CRTAC1: variants seen among roughly 807,000 people sequenced by gnomAD.
CRTAC1 encodes the protein cartilage acidic protein 1.
Under a neutral mutation model 67.8 loss-of-function variants are expected in CRTAC1, and 37 were observed. The observed-to-expected ratio is 0.55, with a 90% CI of 0.42 to 0.72. The LOEUF (loss-of-function observed/expected upper bound fraction) is 0.72. Among genes scored for constraint, CRTAC1 ranks in the 30% least tolerant of loss-of-function variants. CRTAC1 has a pLI of 0.00. For missense variants in CRTAC1, 780 were observed against 931.6 expected, an observed-to-expected ratio of 0.84 and a Z score of 2.12; for synonymous variants, 348 against 371.0, an observed-to-expected ratio of 0.94 and a Z score of 0.71.
At chr10:97,954,431 G>C (rs186559386) in intron 2 of CRTAC1, among the ~76,000 whole-genome samples, 73 of 152,286 alleles carry the variant, frequency 4.8e-4, no homozygotes, top group African/African-American at 1.7e-3. Flanking sequence ...GATTGCTAGA[G>C]CTGGGGTTCA....
chr10:97,973,639 C>G (rs1484024964), intron 2 of CRTAC1, among the ~76,000 whole-genome samples: 1 of 152,154 alleles, frequency 6.6e-6, no homozygotes, highest in African/African-American at 2.4e-5. Flanking sequence ...CGCTTCCCAG[C>G]CCTTATGTTC....
At chr10:97,924,485 G>GCC (rs2050885447) in intron 3 of CRTAC1, among the ~76,000 whole-genome samples, 4 of 152,144 alleles carry the variant, frequency 2.6e-5, no homozygotes, top group Admixed American at 1.3e-4. Context: ...AGACAGCATG[G>GCC]CACAGGGGCC....
At chr10:98,023,517 A>G (rs1843163798) in intron 1 of CRTAC1, among the ~76,000 whole-genome samples, 1 of 152,144 alleles carries the variant, frequency 6.6e-6, no homozygotes, top group Non-Finnish European at 1.5e-5. Context: ...ACAAGGCAGC[A>G]TTTCTCCTTG....
chr10:97,924,258 G>A lies in CRTAC1; in HGVS notation c.422-858C>T, dbSNP rs538819959. ...CTTGAAAGGCAGAGGTCTCTCCTCC[G>A]CCATCATCCTTAGTTAATTTCTTGT... On this transcript the variant is annotated intron_variant, in intron 3 of 14. Transcript: ENST00000370597. Among the ~76,000 whole-genome samples, 5 of 152,296 alleles carry A rather than the reference G, an allele frequency of 3.3e-5. No individual in the cohort carries two copies. The South Asian group carries it at 1.0e-3, about 32-fold the overall frequency.
At chr10:97,972,556 A>C (rs2051732605) in intron 2 of CRTAC1, among the ~76,000 whole-genome samples, 2 of 152,278 alleles carry the variant, frequency 1.3e-5, no homozygotes, top group South Asian at 4.1e-4. Flanking sequence ...TAAAGTCATC[A>C]GAATCTACTA....
At chr10:97,948,251 G>C (rs1333765492) in intron 2 of CRTAC1, among the ~76,000 whole-genome samples, 1 of 152,214 alleles carries the variant, frequency 6.6e-6, no homozygotes, top group Admixed American at 6.5e-5. Context: ...GTAGCCAACA[G>C]TGTCAGATGC....
chr10:97,910,165 C>T (rs1336267611), intron 5 of CRTAC1, among the ~76,000 whole-genome samples: 2 of 152,190 alleles, frequency 1.3e-5, no homozygotes, highest in Non-Finnish European at 2.9e-5. Flanking sequence ...TAAGAATGCA[C>T]TATATACTTG....
intron 13 of CRTAC1, among the ~76,000 whole-genome samples, chr10:97,881,854 G>C (rs770533320): frequency 4.6e-5 from 7 of 152,084 alleles, no homozygotes; most frequent in Non-Finnish European, 5.9e-5. Context: ...CTGCCGAACT[G>C]CTCCTCATTC....
At chr10:97,922,271 C>T (rs10786377) in intron 4 of CRTAC1, among the ~76,000 whole-genome samples, 101,647 of 152,108 alleles carry the variant, frequency 0.67, 35,286 homozygotes, top group East Asian at 0.83. Flanking sequence ...CTTGGCTTCT[C>T]TTCCCAGCGC....
At chr10:97,912,196 C>T (rs1003016020) in intron 5 of CRTAC1, among the ~76,000 whole-genome samples, 3 of 152,186 alleles carry the variant, frequency 2.0e-5, no homozygotes, top group Admixed American at 2.0e-4. Context: ...TCAGGTGCCA[C>T]ACAGTCATTA....
At chr10:97,933,658 C>A (rs2051036775) in intron 3 of CRTAC1, among the ~76,000 whole-genome samples, 1 of 152,224 alleles carries the variant, frequency 6.6e-6, no homozygotes, top group African/African-American at 2.4e-5. Flanking sequence ...AGAGTGTGAA[C>A]TTCACGAGGG....
At chr10:97,934,448 TG>T (rs2051050595) in intron 3 of CRTAC1, among the ~76,000 whole-genome samples, 2 of 152,168 alleles carry the variant, frequency 1.3e-5, no homozygotes, top group Non-Finnish European at 2.9e-5. Flanking sequence ...TACACAAGGC[TG>T]GCTGCCAGCC....
At chr10:97,964,865 T>C (rs902682855) in intron 2 of CRTAC1, among the ~76,000 whole-genome samples, 1 of 152,204 alleles carries the variant, frequency 6.6e-6, no homozygotes, top group African/African-American at 2.4e-5. Flanking sequence ...TCATGATTTG[T>C]GGTAAGACTA....
intron 1 of CRTAC1, among the ~76,000 whole-genome samples, chr10:98,013,644 C>T (rs185646602): frequency 6.6e-6 from 1 of 152,150 alleles, no homozygotes; most frequent in Admixed American, 6.5e-5. Context: ...CTCTAAAGGT[C>T]CTTTCTGGCT....
At chr10:97,877,355 G>C (rs2050159816) in intron 14 of CRTAC1, among the ~76,000 whole-genome samples, 1 of 152,208 alleles carries the variant, frequency 6.6e-6, no homozygotes, top group African/African-American at 2.4e-5. Context: ...TACATACCTA[G>C]AGCGTAGCTC....
intron 1 of CRTAC1, among the ~76,000 whole-genome samples, chr10:98,022,060 A>G (rs1263721708): frequency 6.6e-6 from 1 of 152,208 alleles, no homozygotes; most frequent in African/African-American, 2.4e-5. Context: ...CAGAGTAGAA[A>G]CAGGTACAAA....
chr10:97,967,195 G>A (rs1202903587), intron 2 of CRTAC1, among the ~76,000 whole-genome samples: 1 of 151,958 alleles, frequency 6.6e-6, no homozygotes, highest in Non-Finnish European at 1.5e-5. Flanking sequence ...TAGCTTCATT[G>A]ATATTTATTT....
chr10:97,959,870 A>C (rs903762004), intron 2 of CRTAC1, among the ~76,000 whole-genome samples: 2 of 152,210 alleles, frequency 1.3e-5, no homozygotes, highest in African/African-American at 4.8e-5. Context: ...CCCAGTAGTC[A>C]CACAGACAGC....
chr10:98,027,936 C>A (rs912977321), intron 1 of CRTAC1, among the ~76,000 whole-genome samples: 1 of 152,176 alleles, frequency 6.6e-6, no homozygotes, highest in East Asian at 1.9e-4. Flanking sequence ...AGCCATGTGA[C>A]CTTGGCTTTA....
Sources: allele counts gnomAD v4.1 joint callset (sites outside exome capture counted in the v4.1 genomes callset), GRCh38; gene constraint gnomAD v4.1.1; transcripts MANE v1.5; gene names NCBI Gene and HGNC (gene_info 2026-07-23, HGNC 2026-07-21).